The following MLLT3 variants were observed in gnomAD, a reference collection of about 807,000 sequenced individuals.
MLLT3 encodes the protein MLLT3 super elongation complex subunit, also known as protein AF-9.
Under a neutral mutation model 53.2 loss-of-function variants are expected in MLLT3, and 4 were observed. The observed-to-expected ratio is 0.08, with a 90% CI of 0.04 to 0.17. The LOEUF (loss-of-function observed/expected upper bound fraction) is 0.17. Ranked by LOEUF, MLLT3 falls within the 10% of genes least tolerant of loss-of-function variation. MLLT3 has a pLI of 1.00. For missense variants in MLLT3, 569 were observed against 684.0 expected (o/e 0.83, Z 1.87); for synonymous variants, 283 against 230.6 (o/e 1.23, Z -2.06).
chr9:20,621,755 G>C lies in MLLT3; in HGVS notation c.12+490C>G, dbSNP rs1330595029. 3 of 1,488,454 alleles carry C rather than the reference G, an allele frequency of 2.0e-6. No individual in the cohort carries two copies. Among genetic ancestry groups the C allele is most frequent in the Admixed American group, 2.3e-5 (1 of 43,908 alleles). The allele number at this position is 1,488,454 out of a possible 1,614,324, so 92.2% of individuals were successfully genotyped here. A position where few individuals can be genotyped will look rare whatever the true frequency, so the allele number is the denominator to read the frequency against. On this transcript the variant is annotated intron_variant, in intron 1 of 10. Coordinates refer to ENST00000380338, the MANE Select transcript of MLLT3 (RefSeq NM_004529.4). The surrounding 1 kb of genome is among the most constrained non-coding windows in gnomAD (Gnocchi z 7.0). ...CCCGCACACTTCGGCTCACACACGC[G>C]CGCCGCGGAGAACGCACCATCGTAG...
chr9:20,478,426 G>A (rs953025789), intron 2 of MLLT3, among the ~76,000 whole-genome samples: 3 of 152,158 alleles, frequency 2.0e-5, no homozygotes, highest in South Asian at 4.2e-4. Context: ...AACCACAGAC[G>A]GACTGACTAA....
Position 20,354,779 on chromosome 9 carries a change from GCCCTCCTAGTAACAGACTAGAAA to G in MLLT3, c.1503+6_1503+28del, listed in dbSNP as rs770737639. The G allele has an allele frequency of 1.4e-6, 2 of 1,432,444 alleles. No individual in the cohort carries two copies. Among genetic ancestry groups the G allele is most frequent in the East Asian group, 4.6e-5 (2 of 43,820 alleles). The allele number at this position is 1,432,444 out of a possible 1,614,324, so 88.7% of individuals were successfully genotyped here. On this transcript the variant is annotated splice_donor_region_variant and intron_variant, in intron 9 of 10. Transcript: ENST00000380338. ...AAACGGAAGGCTTGTCAGTGTTGGA[GCCCTCCTAGTAACAGACTAGAAA>G]CCTACCTTGTCACATTCACCATTCT...
At chr9:20,547,956 A>C (rs1397768562) in intron 2 of MLLT3, among the ~76,000 whole-genome samples, 1 of 152,200 alleles carries the variant, frequency 6.6e-6, no homozygotes, top group African/African-American at 2.4e-5. Flanking sequence ...TATCTCAAAA[A>C]TAAAACAAAA....
At chr9:20,403,203 T>A (rs997239007) in intron 5 of MLLT3, among the ~76,000 whole-genome samples, 4 of 152,188 alleles carry the variant, frequency 2.6e-5, no homozygotes, top group African/African-American at 7.2e-5. Flanking sequence ...ATTCAAGTTG[T>A]TGAATGAGAT....
rs1587142609 is a variant in MLLT3, at chr9:20,622,433, T to C, written c.-177A>G. 1.7e-6 allele frequency: 1 copy of C among 584,438 alleles called. No homozygotes were observed. Among genetic ancestry groups the C allele is most frequent in the South Asian group, 2.3e-5 (1 of 42,782 alleles). 36.2% of individuals were successfully genotyped at this position (584,438 alleles called of 1,614,324 possible). On this transcript the variant is annotated 5_prime_UTR_variant, in exon 1 of 11. In the 5' UTR this introduces an upstream ATG that the reference lacks. Transcript: ENST00000380338. ...GCGCTCGCTTGCTCGCTCGCTCGCT[T>C]ATTAAACTCAGCCCCAAAAGCAAAA...
chr9:20,364,672 CTTTTA>C (rs1423028125), intron 6 of MLLT3, among the ~76,000 whole-genome samples: 1 of 152,116 alleles, frequency 6.6e-6, no homozygotes, highest in African/African-American at 2.4e-5. Context: ...CGATTACTGT[CTTTTA>C]TTTTATTTTT....
intron 2 of MLLT3, among the ~76,000 whole-genome samples, chr9:20,585,281 A>C (rs1280693467): frequency 6.6e-6 from 1 of 152,146 alleles, no homozygotes; most frequent in African/African-American, 2.4e-5. Context: ...AACTGACAAA[A>C]ACTGTACATA....
rs368452296 is a variant in MLLT3, at chr9:20,345,718, C to A, written c.*725G>T. 5.0e-5 allele frequency: 11 copies of A among 218,840 alleles called. No homozygotes were observed. The South Asian group carries it at 7.4e-4, about 15-fold the overall frequency. The allele number at this position is 218,840 out of a possible 1,614,324, so 13.6% of individuals were successfully genotyped here. On this transcript the variant is annotated 3_prime_UTR_variant, in exon 11 of 11. Coordinates refer to ENST00000380338, the MANE Select transcript of MLLT3 (RefSeq NM_004529.4). ...TGCATTTTCTACCATGGTCCAAGAT[C>A]ATTACATGGATACAGCCAAGGACTG...
In MLLT3 at chr9:20,534,804, T is replaced by A. The variant is rs191038900; in HGVS notation, c.194-78018A>T. On this transcript the variant is annotated intron_variant, in intron 2 of 10. Transcript: ENST00000380338. The stretch of plus-strand genomic sequence containing the variant: ...GGGAGGCTGGGGCAGGAGAATGGCA[T>A]GAACCCAGGAGGCAGAGCTTGCAGT... 3.0e-3 allele frequency among the ~76,000 whole-genome samples: 451 copies of A among 152,136 alleles called. 1 individual carries two copies. The highest frequency in any genetic ancestry group is 0.01 in the African/African-American group (420 of 41,498).
chr9:20,607,056 T>C (rs896679538), intron 2 of MLLT3, among the ~76,000 whole-genome samples: 1 of 152,092 alleles, frequency 6.6e-6, no homozygotes, highest in Non-Finnish European at 1.5e-5. Flanking sequence ...TAAGGGCCAT[T>C]TGTACACTAT....
At chr9:20,491,363 A>T (rs1338966489) in intron 2 of MLLT3, among the ~76,000 whole-genome samples, 1 of 152,158 alleles carries the variant, frequency 6.6e-6, no homozygotes, top group African/African-American at 2.4e-5. Flanking sequence ...GAGAAAAATG[A>T]GGAACTATAT....
intron 4 of MLLT3, among the ~76,000 whole-genome samples, chr9:20,427,450 T>C (rs1823165263): frequency 6.6e-6 from 1 of 151,484 alleles, no homozygotes; most frequent in Admixed American, 6.6e-5. Context: ...ATGGGAAATA[T>C]AAAAGCTATT....
chr9:20,422,633 A>G (rs1011812046), intron 4 of MLLT3, among the ~76,000 whole-genome samples: 3 of 152,212 alleles, frequency 2.0e-5, no homozygotes, highest in African/African-American at 7.2e-5. Context: ...GAGAATAATG[A>G]AAGATTCCCC....
Position 20,367,212 on chromosome 9 carries a change from GA to G in MLLT3, c.1126-1469del, listed in dbSNP as rs1414476760. On this transcript the variant is annotated intron_variant, in intron 5 of 10. Coordinates refer to ENST00000380338, the MANE Select transcript of MLLT3 (RefSeq NM_004529.4). ...AATTCTCCTTATCCTTTTCTAACCAGAAAGTTCCACATCCTCTTTGACCCAC... is the reference window on the plus strand; with the variant it reads ...AATTCTCCTTATCCTTTTCTAACCAGAAGTTCCACATCCTCTTTGACCCAC... Among the ~76,000 whole-genome samples, 7 of 152,208 alleles carry G rather than the reference GA, an allele frequency of 4.6e-5. No individual in the cohort carries two copies. In the East Asian group the frequency reaches 1.4e-3, roughly 29 times the overall value.
intron 2 of MLLT3, among the ~76,000 whole-genome samples, chr9:20,520,387 A>C (rs767172700): frequency 6.6e-6 from 1 of 152,154 alleles, no homozygotes; most frequent in Non-Finnish European, 1.5e-5. Context: ...CTGAGTCTCA[A>C]TTGGAATAAA....
At chr9:20,561,354 A>C (rs1819205479) in intron 2 of MLLT3, among the ~76,000 whole-genome samples, 1 of 152,160 alleles carries the variant, frequency 6.6e-6, no homozygotes. Flanking sequence ...TTCATTCTGA[A>C]GACTATCCCC....
intron 1 of MLLT3, 30 bp downstream of exon 1, chr9:20,622,215 G>A (rs1371956131): frequency 6.3e-7 from 1 of 1,594,352 alleles, no homozygotes; most frequent in East Asian, 2.3e-5. Context: ...GTGGGGGAGG[G>A]CTTTTATTAT....
At chr9:20,434,497 C>T (rs1486307258) in intron 4 of MLLT3, among the ~76,000 whole-genome samples, 1 of 151,398 alleles carries the variant, frequency 6.6e-6, no homozygotes, top group Non-Finnish European at 1.5e-5. Context: ...GCACTGAAAT[C>T]AGAGGATGTC....
In MLLT3 at chr9:20,343,341, G is replaced by C. The variant is rs1466426003; in HGVS notation, c.*3102C>G. On this transcript the variant is annotated 3_prime_UTR_variant, in exon 11 of 11. Transcript: ENST00000380338. ...AAATGTTTAAGACACTCTCTTAAGA[G>C]ATATTTTTTTCCTGATCTGAAGTTT... is the stretch of plus-strand genomic sequence containing the variant. The C allele has an allele frequency of 4.8e-6, 1 of 209,572 alleles. No homozygotes were observed. Among genetic ancestry groups the C allele is most frequent in the East Asian group, 7.2e-5 (1 of 13,920 alleles). The allele number at this position is 209,572 out of a possible 1,614,324, so 13.0% of individuals were successfully genotyped here. A position where few individuals can be genotyped will look rare whatever the true frequency, so the allele number is the denominator to read the frequency against.
Sources: gnomAD v4.1 joint callset for allele counts (sites outside exome capture counted in the v4.1 genomes callset) on GRCh38, gnomAD v4.1.1 for gene constraint, Gnocchi (gnomAD v3.1) non-coding constraint, MANE v1.5 for transcripts, NCBI Gene and HGNC (gene_info 2026-07-23, HGNC 2026-07-21) for gene names.